CDCA7: variants seen among roughly 807,000 people sequenced by gnomAD.
CDCA7 encodes cell division cycle-associated protein 7.
A neutral mutation model predicts 54.0 loss-of-function variants in CDCA7; 28 were observed. The observed-to-expected ratio is 0.52, with a 90% CI of 0.38 to 0.71. The LOEUF (loss-of-function observed/expected upper bound fraction) is 0.71, where lower values mean the gene tolerates loss of function less well. Among genes scored for constraint, CDCA7 ranks in the 30% least tolerant of loss-of-function variants. The pLI, the probability that CDCA7 is intolerant of heterozygous loss-of-function variation, is 0.00. For synonymous variants in CDCA7, 180 were observed against 208.2 expected (o/e 0.86, Z 1.16); for missense variants, 484 against 586.0 (o/e 0.83, Z 1.80).
Position 173,366,484 on chromosome 2 carries a change from T to C in CDCA7, c.1185+52T>C. 6.3e-7 allele frequency: 1 copy of C among 1,598,220 alleles called. No individual in the cohort carries two copies. On this transcript the variant is annotated intron_variant, in intron 8 of 9. Transcript: ENST00000306721. This position sits in a 1 kb window ranked among gnomAD's most constrained non-coding sequence, Gnocchi z 4.5. ...GTGGGCTTGAAGGTCAGCCACAAAC[T>C]GTGATGAGGCCAGAAAAAGGCATTG...
intron 7 of CDCA7, 26 bp downstream of exon 7, chr2:173,365,618 GAA>G: frequency 6.2e-7 from 1 of 1,610,830 alleles, no homozygotes; most frequent in Non-Finnish European, 8.5e-7. Flanking sequence ...TTACACCTGA[GAA>G]TGTAAACATC....
At chr2:173,364,075 C>T (rs1686672847) in intron 5 of CDCA7, 180 bp downstream of exon 5, 1 of 546,944 alleles carries the variant, frequency 1.8e-6, no homozygotes. Context: ...GCAGTTTGGT[C>T]TCTCCTTGCT....
chr2:173,360,857 CT>C (rs202211350), intron 3 of CDCA7, among the ~76,000 whole-genome samples: 1 of 150,656 alleles, frequency 6.6e-6, no homozygotes, highest in Non-Finnish European at 1.5e-5. Flanking sequence ...TTCTCTCTCT[CT>C]TTTTTTTTAA....
chr2:173,357,112 A>G (rs925400857), intron 1 of CDCA7, among the ~76,000 whole-genome samples: 5 of 152,224 alleles, frequency 3.3e-5, no homozygotes, highest in African/African-American at 9.6e-5. Context: ...CTGCTATTCC[A>G]TGGCCCCATT....
intron 2 of CDCA7, 106 bp downstream of exon 2, chr2:173,358,943 C>T: frequency 7.0e-7 from 1 of 1,437,482 alleles, no homozygotes; most frequent in Non-Finnish European, 9.4e-7. Context: ...CATTTCTATA[C>T]AGCCGTTATG....
chr2:173,368,993 A>G lies in CDCA7; in HGVS notation c.*1329A>G, dbSNP rs1400393732. 1 of 152,182 alleles carries G rather than the reference A, an allele frequency of 6.6e-6. No individual in the cohort carries two copies. Among genetic ancestry groups the G allele is most frequent in the African/African-American group, 2.4e-5 (1 of 41,440 alleles). 9.4% of individuals were successfully genotyped at this position (152,182 alleles called of 1,614,324 possible). ...TAAAAGGCCATTTCCACCTTTTCTA[A>G]AAAAGTCTCCCTTTTGACTGAAGTT... On this transcript the variant is annotated 3_prime_UTR_variant, in exon 10 of 10. Coordinates refer to ENST00000306721, the MANE Select transcript of CDCA7 (RefSeq NM_031942.5).
chr2:173,363,140 A>C (rs543642462), intron 3 of CDCA7, 86 bp from the exon 4 acceptor site: 2 of 1,246,468 alleles, frequency 1.6e-6, no homozygotes, highest in African/African-American at 3.0e-5. Flanking sequence ...ATTTCATACA[A>C]GTGTCTCATT....
At position 173,366,135 on chromosome 2, in the gene CDCA7, T is replaced by C; in HGVS notation, c.1036-148T>C. On this transcript the variant is annotated intron_variant, in intron 7 of 9. Coordinates refer to ENST00000306721, the MANE Select transcript of CDCA7 (RefSeq NM_031942.5). The surrounding 1 kb of genome is among the most constrained non-coding windows in gnomAD (Gnocchi z 4.5). ...CCACTGCACCTGGTTGAGTTATTTT[T>C]CATACCCTGGCATATACATGTGTAT... 3.3e-6 allele frequency: 3 copies of C among 910,604 alleles called. No individual in the cohort carries two copies. Among genetic ancestry groups the C allele is most frequent in the Non-Finnish European group, 4.8e-6 (3 of 625,448 alleles). The allele number at this position is 910,604 out of a possible 1,614,324, so 56.4% of individuals were successfully genotyped here.
chr2:173,365,131 C>T (rs371635516), intron 6 of CDCA7, 142 bp downstream of exon 6: 6 of 1,328,708 alleles, frequency 4.5e-6, no homozygotes, highest in South Asian at 1.7e-5. Context: ...GAACTGTAAA[C>T]GTCACATAAG....
In CDCA7 at chr2:173,366,333, C is replaced by T; in HGVS notation, c.1086C>T (p.Asn362=). The T allele has an allele frequency of 3.1e-6, 5 of 1,612,978 alleles. No homozygotes were observed. Among genetic ancestry groups the T allele is most frequent in the Non-Finnish European group, 2.5e-6 (3 of 1,179,636 alleles). ...AGAAGACTATTGATACCAAAACAAACTGCAGAAACCCAGACTGCTGGGGCG... is the reference window on the plus strand; with the variant it reads ...AGAAGACTATTGATACCAAAACAAATTGCAGAAACCCAGACTGCTGGGGCG... The part of the protein sequence containing the change: ...CRQKTIDTKT[N]CRNPDCWGVR... The change falls in exon 8 of 10, where the codon AAC becomes AAT. Residue 362 remains asparagine, a synonymous_variant. Transcript: ENST00000306721. This position sits in a 1 kb window ranked among gnomAD's most constrained non-coding sequence, Gnocchi z 4.5.
chr2:173,360,340 G>T (rs866629271), intron 3 of CDCA7, among the ~76,000 whole-genome samples: 1 of 152,178 alleles, frequency 6.6e-6, no homozygotes, highest in South Asian at 2.1e-4. Flanking sequence ...ATAATTTCTG[G>T]GCAGTGTTTC....
At chr2:173,355,191 A>G (rs1686472067) in intron 1 of CDCA7, among the ~76,000 whole-genome samples, 1 of 152,174 alleles carries the variant, frequency 6.6e-6, no homozygotes, top group Non-Finnish European at 1.5e-5. Context: ...TGCGCACCCG[A>G]AGTGCGGGCG....
chr2:173,361,752 T>G (rs992647293), intron 3 of CDCA7, among the ~76,000 whole-genome samples: 1 of 151,974 alleles, frequency 6.6e-6, no homozygotes, highest in Non-Finnish European at 1.5e-5. Flanking sequence ...ATACCCAGCC[T>G]TCTTTTGCTT....
intron 3 of CDCA7, among the ~76,000 whole-genome samples, chr2:173,362,638 C>T (rs1312963258): frequency 2.7e-5 from 4 of 149,586 alleles, no homozygotes; most frequent in Admixed American, 6.7e-5. Flanking sequence ...TACAGTGGCA[C>T]GAACACGGCT....
At chr2:173,363,963 T>A in intron 5 of CDCA7, 68 bp downstream of exon 5, 1 of 1,409,408 alleles carries the variant, frequency 7.1e-7, no homozygotes, top group Non-Finnish European at 9.9e-7. Flanking sequence ...TGTGTTGTAT[T>A]TAAAAATCTA....
rs772253103 is a variant in CDCA7 at position 173,366,421 on chromosome 2, C to G, written c.1174C>G (p.Leu392Val). 1.9e-6 allele frequency: 3 copies of G among 1,614,070 alleles called. No individual in the cohort carries two copies. The highest frequency in any genetic ancestry group is 2.2e-5 in the South Asian group (2 of 91,064). Residue 392 changes from leucine to valine, a missense_variant, in exon 8 of 10, where the codon CTG (leucine) becomes GTG (valine). Leu to Val is a conservative substitution (Grantham distance 32, BLOSUM62 1). Transcript: ENST00000306721. The surrounding 1 kb of genome is among the most constrained non-coding windows in gnomAD (Gnocchi z 4.5). ...TTATGGTGAAGAGGTCAGGGATGCT[C>G]TGCTGGATCCGGTAGGTGCCTGCCA... ...NRYGEEVRDA[L>V]LDPNWHCPPC...
chr2:173,364,738 A>G (rs1686686227), intron 5 of CDCA7, 57 bp from the exon 6 acceptor site: 4 of 1,534,132 alleles, frequency 2.6e-6, no homozygotes, highest in Non-Finnish European at 2.6e-6. Flanking sequence ...AATTCCCCAA[A>G]GTACTACTTC....
In CDCA7 at chr2:173,363,859, G is replaced by C; in HGVS notation, c.663G>C (p.Ser221=). 6 of 1,614,114 alleles carry C rather than the reference G, an allele frequency of 3.7e-6. No homozygotes were observed. The highest frequency in any genetic ancestry group is 5.1e-6 in the Non-Finnish European group (6 of 1,180,008). ...LMSELESFPG[S]FRGRHPLPGS... ...CTGAATTAGAAAGCTTCCCTGGCTC[G>C]TTCCGTGGAAGACATCCCCTCCCAG... The change falls in exon 5 of 10, where the codon TCG becomes TCC. Residue 221 remains serine, a synonymous_variant. Transcript: ENST00000306721.
Position 173,364,914 on chromosome 2 carries a change from A to G in CDCA7, c.819A>G (p.Leu273=). 1 of 1,609,524 alleles carries G rather than the reference A, an allele frequency of 6.2e-7. No individual in the cohort carries two copies. Among genetic ancestry groups the G allele is most frequent in the Non-Finnish European group, 8.5e-7 (1 of 1,178,568 alleles). Residue 273 remains leucine, a synonymous_variant, in exon 6 of 10, where the codon CTA becomes CTG. Coordinates refer to ENST00000306721, the MANE Select transcript of CDCA7 (RefSeq NM_031942.5). ...RSRILGSLDA[L]PMEEEEEEDK... ...GGATCCTCGGGTCCCTTGACGCTCTACCCATGGAGGAGGAGGAGGAAGAGG... is the reference window on the plus strand; with the variant it reads ...GGATCCTCGGGTCCCTTGACGCTCTGCCCATGGAGGAGGAGGAGGAAGAGG...
Sources: gnomAD v4.1 joint callset for allele counts (sites outside exome capture counted in the v4.1 genomes callset) on GRCh38, gnomAD v4.1.1 for gene constraint, Gnocchi (gnomAD v3.1) non-coding constraint, MANE v1.5 for transcripts, NCBI Gene and HGNC (gene_info 2026-07-23, HGNC 2026-07-21) for gene names.